TMEM117: variants seen among roughly 807,000 people sequenced by gnomAD.
The protein encoded by TMEM117 is transmembrane protein 117.
TMEM117 carries 27 observed loss-of-function variants against 52.4 expected under a neutral mutation model. That is an observed-to-expected ratio of 0.51 (90% CI 0.38 to 0.71). TMEM117 has a LOEUF of 0.71. Among genes scored for constraint, TMEM117 ranks in the 30% least tolerant of loss-of-function variants. The pLI is 0.00. For synonymous variants in TMEM117, 215 were observed against 206.3 expected (o/e 1.04, Z -0.36); for missense variants, 556 against 630.5 (o/e 0.88, Z 1.26).
chr12:44,132,457 ATCCTCCATTGG>A (rs1192034387), intron 3 of TMEM117, among the ~76,000 whole-genome samples: 38 of 151,948 alleles, frequency 2.5e-4, no homozygotes, highest in African/African-American at 9.2e-4. Context: ...ATTTCTACTG[ATCCTCCATTGG>A]AGGATCATTT....
intron 7 of TMEM117, among the ~76,000 whole-genome samples, chr12:44,378,003 G>T (rs140606304): frequency 1.3e-4 from 20 of 152,124 alleles, no homozygotes; most frequent in Admixed American, 1.3e-3. Flanking sequence ...TTGAGTTCAG[G>T]TCACATAGTC....
At chr12:44,036,023 A>T (rs1946704960) in intron 3 of TMEM117, among the ~76,000 whole-genome samples, 1 of 152,094 alleles carries the variant, frequency 6.6e-6, no homozygotes, top group South Asian at 2.1e-4. Flanking sequence ...TTGTTCTCTG[A>T]TATTTAGCTC....
chr12:44,327,917 C>T (rs1055418277), intron 6 of TMEM117, among the ~76,000 whole-genome samples: 1 of 152,098 alleles, frequency 6.6e-6, no homozygotes, highest in Admixed American at 6.6e-5. Flanking sequence ...ATGGAATGCC[C>T]ATTAAGGAAA....
intron 4 of TMEM117, among the ~76,000 whole-genome samples, chr12:44,172,439 C>T (rs535086434): frequency 4.6e-5 from 7 of 152,164 alleles, no homozygotes; most frequent in African/African-American, 1.2e-4. Context: ...GCTTTCTTCT[C>T]GCTGTGTGTC....
chr12:44,278,653 T>A (rs1950543561), intron 5 of TMEM117, among the ~76,000 whole-genome samples: 1 of 152,228 alleles, frequency 6.6e-6, no homozygotes. Flanking sequence ...CAATGGGATC[T>A]CTTTTCTGTA....
chr12:43,805,471 G>A, the TMEM117 span: 1 of 449,232 alleles, frequency 2.2e-6, no homozygotes, highest in Non-Finnish European at 4.5e-6. Flanking sequence ...AACTCGTTAA[G>A]TGATCGCGAG....
intron 5 of TMEM117, among the ~76,000 whole-genome samples, chr12:44,232,349 A>G (rs537886692): frequency 2.6e-5 from 4 of 151,656 alleles, no homozygotes; most frequent in Admixed American, 6.6e-5. Context: ...CCATTGTCCC[A>G]CAACCATTTA....
intron 5 of TMEM117, among the ~76,000 whole-genome samples, chr12:44,221,294 G>A (rs923451889): frequency 1.3e-5 from 2 of 152,118 alleles, no homozygotes; most frequent in African/African-American, 4.8e-5. Context: ...ATCTAAGGGG[G>A]CTTCTCCCAA....
At chr12:43,903,888 A>G (rs953649297) in intron 2 of TMEM117, among the ~76,000 whole-genome samples, 2 of 151,892 alleles carry the variant, frequency 1.3e-5, no homozygotes, top group Non-Finnish European at 1.5e-5. Flanking sequence ...CCCTGCCTCA[A>G]TGACTCCTTT....
At chr12:44,249,931 G>A (rs1396265239) in intron 5 of TMEM117, among the ~76,000 whole-genome samples, 1 of 152,052 alleles carries the variant, frequency 6.6e-6, no homozygotes, top group Non-Finnish European at 1.5e-5. Context: ...CATGGGCATG[G>A]GCAAAGACTT....
intron 1 of TMEM117, among the ~76,000 whole-genome samples, chr12:43,840,223 ATTAATTT>A (rs1193864461): frequency 6.6e-6 from 1 of 152,206 alleles, no homozygotes; most frequent in African/African-American, 2.4e-5. Context: ...TCTGATATAA[ATTAATTT>A]TGTTATTCTT....
intron 3 of TMEM117, among the ~76,000 whole-genome samples, chr12:43,967,743 C>T (rs894777929): frequency 2.0e-5 from 3 of 152,144 alleles, no homozygotes; most frequent in African/African-American, 4.8e-5. Context: ...GATTCCTGAC[C>T]CACAGAAACT....
At chr12:44,305,442 A>C (rs1342899086) in intron 6 of TMEM117, among the ~76,000 whole-genome samples, 1 of 152,168 alleles carries the variant, frequency 6.6e-6, no homozygotes, top group Non-Finnish European at 1.5e-5. Flanking sequence ...AAAGATACTT[A>C]AACAACTCAA....
At chr12:43,965,472 T>G (rs376864440) in intron 3 of TMEM117, among the ~76,000 whole-genome samples, 6 of 152,196 alleles carry the variant, frequency 3.9e-5, no homozygotes, top group African/African-American at 1.4e-4. Context: ...CGTGGATTAC[T>G]CTGTCTCTCT....
chr12:43,904,546 T>G (rs1565743145), intron 2 of TMEM117, among the ~76,000 whole-genome samples: 1 of 152,278 alleles, frequency 6.6e-6, no homozygotes, highest in East Asian at 1.9e-4. Flanking sequence ...AAGAATTCTG[T>G]CCTTTCTAAT....
chr12:43,878,000 A>G (rs1943833061), intron 2 of TMEM117, among the ~76,000 whole-genome samples: 1 of 152,090 alleles, frequency 6.6e-6, no homozygotes, highest in African/African-American at 2.4e-5. Context: ...GATACACTCA[A>G]GTTCTTAAAA....
At chr12:43,929,937 GTTTC>G (rs1417777757) in intron 2 of TMEM117, among the ~76,000 whole-genome samples, 1 of 151,682 alleles carries the variant, frequency 6.6e-6, no homozygotes, top group Non-Finnish European at 1.5e-5. Context: ...TTTATGTCTT[GTTTC>G]TTTATGTGCC....
At chr12:44,010,584 A>G (rs979688479) in intron 3 of TMEM117, among the ~76,000 whole-genome samples, 2 of 152,060 alleles carry the variant, frequency 1.3e-5, no homozygotes, top group African/African-American at 2.4e-5. Context: ...TGTGTTCCAC[A>G]CTTTTGCTGC....
chr12:44,101,449 A>G (rs1947859443), intron 3 of TMEM117, among the ~76,000 whole-genome samples: 1 of 151,718 alleles, frequency 6.6e-6, no homozygotes, highest in South Asian at 2.1e-4. Context: ...GTGGGTCCAA[A>G]TCTTCAGTCT....
Sources: gnomAD v4.1 joint callset for allele counts (sites outside exome capture counted in the v4.1 genomes callset) on GRCh38, gnomAD v4.1.1 for gene constraint, MANE v1.5 for transcripts, NCBI Gene and HGNC (gene_info 2026-07-23, HGNC 2026-07-21) for gene names.